The following TDP1 variants were observed in gnomAD, a reference collection of about 807,000 sequenced individuals.
TDP1 encodes tyr-DNA phosphodiesterase 1.
In TDP1, 64 loss-of-function variants were observed where a neutral mutation model predicts 81.5. The observed-to-expected ratio is 0.79, with a 90% CI of 0.64 to 0.97. TDP1 has a LOEUF of 0.97. TDP1 is among the 50% of genes least tolerant of loss of function. The pLI is 0.00. For missense variants in TDP1, 723 were observed against 743.8 expected (o/e 0.97, Z 0.33); for synonymous variants, 256 against 264.3 (o/e 0.97, Z 0.30).
intron 14 of TDP1, among the ~76,000 whole-genome samples, chr14:90,005,885 C>CT (rs971912770): frequency 6.6e-6 from 1 of 152,124 alleles, no homozygotes; most frequent in Non-Finnish European, 1.5e-5. Context: ...TTGAAAAGCA[C>CT]TTTTTTTATC....
chr14:89,963,231 A>C lies in TDP1; in HGVS notation c.117A>C (p.Gly39=). 3 of 1,614,196 alleles carry C rather than the reference A, an allele frequency of 1.9e-6. No individual in the cohort carries two copies. Among genetic ancestry groups the C allele is most frequent in the Non-Finnish European group, 2.5e-6 (3 of 1,180,030 alleles). The change falls in exon 3 of 17, where the codon GGA becomes GGC. Residue 39 remains glycine, a synonymous_variant. Coordinates refer to ENST00000335725, the MANE Select transcript of TDP1 (RefSeq NM_018319.4). The part of the protein sequence containing the change: ...STSSLLCARQ[G]AANEPRYTCS... ...CTTCTCTTCTCTGTGCCAGGCAAGGAGCAGCAAATGAGCCCAGGTACACCT... is the reference window on the plus strand; with the variant it reads ...CTTCTCTTCTCTGTGCCAGGCAAGGCGCAGCAAATGAGCCCAGGTACACCT...
Position 89,976,396 on chromosome 14 carries a change from G to C in TDP1, c.791+581G>C, listed in dbSNP as rs568885454. 3.2e-4 allele frequency among the ~76,000 whole-genome samples: 49 copies of C among 152,170 alleles called. 1 individual carries two copies. In the South Asian group the frequency reaches 7.7e-3, roughly 24 times the overall value. ...ATTACAGGCATGAGCCCCTGTGCTG[G>C]CATTAACTTTAGCTTTAAATTTGTT... On this transcript the variant is annotated intron_variant, in intron 7 of 16. Transcript: ENST00000335725.
At position 90,022,928 on chromosome 14, in the gene TDP1, C is replaced by T. The variant is rs1312156005; in HGVS notation, c.1644+3510C>T. On this transcript the variant is annotated intron_variant, in intron 15 of 16. Coordinates refer to ENST00000335725, the MANE Select transcript of TDP1 (RefSeq NM_018319.4). ...CGGAACAGCCCGACGGTTCCCTCCTCAAAGCATACCCCAGGCTCCTACCTG... is the reference window on the plus strand; with the variant it reads ...CGGAACAGCCCGACGGTTCCCTCCTTAAAGCATACCCCAGGCTCCTACCTG... 2.1e-5 allele frequency: 15 copies of T among 730,494 alleles called. No individual in the cohort carries two copies. The East Asian group carries it at 4.0e-4, about 19-fold the overall frequency. 45.3% of individuals were successfully genotyped at this position (730,494 alleles called of 1,614,324 possible). A position where few individuals can be genotyped will look rare whatever the true frequency, so the allele number is the denominator to read the frequency against.
chr14:90,016,585 T>C (rs1339809241), intron 14 of TDP1, among the ~76,000 whole-genome samples: 1 of 152,254 alleles, frequency 6.6e-6, no homozygotes, highest in Non-Finnish European at 1.5e-5. Flanking sequence ...CAGCTAGTTA[T>C]TCTCCACTTT....
At chr14:90,004,027 A>G (rs17126527) in intron 14 of TDP1, among the ~76,000 whole-genome samples, 4,708 of 152,204 alleles carry the variant, frequency 0.031, 110 homozygotes, top group African/African-American at 0.067. Flanking sequence ...TGGCTCTAAG[A>G]TATTGGGATT....
At chr14:89,956,044 T>C (rs545713755) in intron 1 of TDP1, 74 bp downstream of exon 1, 2 of 152,860 alleles carry the variant, frequency 1.3e-5, no homozygotes, top group Admixed American at 1.3e-4. Flanking sequence ...GGGATCCTGC[T>C]CCTGGCCGAG....
chr14:89,988,777 G>A, intron 10 of TDP1, 128 bp from the exon 11 acceptor site: 1 of 1,532,826 alleles, frequency 6.5e-7, no homozygotes. Flanking sequence ...GTATGAAATT[G>A]ATCACTAGTA....
intron 14 of TDP1, among the ~76,000 whole-genome samples, chr14:89,994,186 A>C (rs1896470987): frequency 6.6e-6 from 1 of 152,272 alleles, no homozygotes; most frequent in Non-Finnish European, 1.5e-5. Flanking sequence ...AACTAATTAA[A>C]GTATCACAGA....
At chr14:89,955,484 C>A (rs1891463330), upstream of TDP1, 2 of 152,214 alleles carry the variant, frequency 1.3e-5, no homozygotes, top group African/African-American at 4.8e-5. Flanking sequence ...AACAGACATT[C>A]GAGGTTCTGA....
intron 7 of TDP1, among the ~76,000 whole-genome samples, chr14:89,978,494 T>C (rs1894605792): frequency 6.6e-6 from 1 of 152,248 alleles, no homozygotes. Context: ...GGGTCCCTTT[T>C]GCTGCCTCAC....
At chr14:90,020,544 CCCTT>C (rs1452606509) in intron 15 of TDP1, among the ~76,000 whole-genome samples, 1 of 33,774 alleles carries the variant, frequency 3.0e-5, no homozygotes, top group Non-Finnish European at 5.1e-5. Flanking sequence ...TTCCCTCCCT[CCCTT>C]CCTTCCTTCC....
At position 89,991,957 on chromosome 14, in the gene TDP1, A is replaced by G; in HGVS notation, c.1407A>G (p.Lys469=). Residue 469 remains lysine (K), a synonymous_variant, in exon 13 of 17, where the codon AAA becomes AAG. Coordinates refer to ENST00000335725, the MANE Select transcript of TDP1 (RefSeq NM_018319.4). ...SLPYSIQTAE[K]QNWLHSYFHK... ...CCTATAGCATCCAGACAGCTGAAAA[A>G]CAGAATTGGCTGCATTCCTATTTTC... 1 of 1,612,788 alleles carries G rather than the reference A, an allele frequency of 6.2e-7. No homozygotes were observed.
chr14:90,021,794 A>G (rs988305103), intron 15 of TDP1, among the ~76,000 whole-genome samples: 2 of 152,232 alleles, frequency 1.3e-5, no homozygotes, highest in African/African-American at 2.4e-5. Flanking sequence ...GACTATGCCA[A>G]CTGATTCAAG....
At chr14:89,978,171 T>C (rs1894567967) in intron 7 of TDP1, among the ~76,000 whole-genome samples, 1 of 152,174 alleles carries the variant, frequency 6.6e-6, no homozygotes, top group Non-Finnish European at 1.5e-5. Flanking sequence ...CCTGTACCAG[T>C]AGCATGAAGT....
chr14:90,002,900 A>G, intron 14 of TDP1, among the ~76,000 whole-genome samples: 1 of 152,222 alleles, frequency 6.6e-6, no homozygotes, highest in Admixed American at 6.5e-5. Context: ...TCATAGATAT[A>G]TAGCCTTTTC....
chr14:90,036,842 C>T (rs1887873725), intron 16 of TDP1, among the ~76,000 whole-genome samples: 1 of 148,970 alleles, frequency 6.7e-6, no homozygotes, highest in South Asian at 2.1e-4. Context: ...TAGGGTCTCG[C>T]TCTGTCACCT....
chr14:90,007,650 G>A (rs1884202279), intron 14 of TDP1, among the ~76,000 whole-genome samples: 1 of 152,032 alleles, frequency 6.6e-6, no homozygotes, highest in Non-Finnish European at 1.5e-5. Context: ...TTTTAAGGCA[G>A]AGTTTTGCTC....
At chr14:90,021,321 G>A (rs1161117860) in intron 15 of TDP1, among the ~76,000 whole-genome samples, 3 of 152,162 alleles carry the variant, frequency 2.0e-5, no homozygotes, top group African/African-American at 7.2e-5. Context: ...AAACAATGAA[G>A]TCACATCACT....
intron 15 of TDP1, among the ~76,000 whole-genome samples, chr14:90,031,396 C>T (rs1344039416): frequency 6.6e-6 from 1 of 151,938 alleles, no homozygotes; most frequent in East Asian, 1.9e-4. Flanking sequence ...GTGGCTCACA[C>T]CTGTAATCCC....
Sources: allele counts gnomAD v4.1 joint callset (sites outside exome capture counted in the v4.1 genomes callset), GRCh38; gene constraint gnomAD v4.1.1; transcripts MANE v1.5; gene names NCBI Gene and HGNC (gene_info 2026-07-23, HGNC 2026-07-21).